The following DNAH12 variants were observed in gnomAD, a reference collection of about 807,000 sequenced individuals.
DNAH12 encodes dynein axonemal heavy chain 12.
Under a neutral mutation model 371.5 loss-of-function variants are expected in DNAH12, and 285 were observed. That is an observed-to-expected ratio of 0.77 (90% CI 0.70 to 0.85). DNAH12 has a LOEUF of 0.85. Among genes scored for constraint, DNAH12 ranks in the 40% least tolerant of loss-of-function variants. The pLI is 0.00. For missense variants in DNAH12, 3,611 were observed against 3,689.4 expected, an observed-to-expected ratio of 0.98 and a Z score of 0.55; for synonymous variants, 1,200 against 1,213.0, an observed-to-expected ratio of 0.99 and a Z score of 0.22.
chr3:57,502,244 A>C (rs1575695127), intron 10 of DNAH12, 79 bp downstream of exon 10: 1 of 1,560,292 alleles, frequency 6.4e-7, no homozygotes, highest in Non-Finnish European at 8.8e-7. Flanking sequence ...TGGCAGCCCC[A>C]GACAAACAAA....
At chr3:57,415,829 C>T (rs1466268388) in intron 37 of DNAH12, among the ~76,000 whole-genome samples, 2 of 149,422 alleles carry the variant, frequency 1.3e-5, no homozygotes, top group Non-Finnish European at 3.0e-5. Context: ...CACTTAGTTC[C>T]CCAGGCTGGA....
chr3:57,324,589 A>T (rs569682261), intron 62 of DNAH12, among the ~76,000 whole-genome samples: 43 of 152,216 alleles, frequency 2.8e-4, no homozygotes, highest in African/African-American at 1.0e-3. Context: ...TGGGGGGAGG[A>T]GCCAAGATGG....
chr3:57,417,968 T>C (rs1391911874), intron 37 of DNAH12, among the ~76,000 whole-genome samples: 1 of 151,992 alleles, frequency 6.6e-6, no homozygotes, highest in Admixed American at 6.6e-5. Context: ...CTGGCCAATA[T>C]GGTGAACCCC....
intron 60 of DNAH12, among the ~76,000 whole-genome samples, chr3:57,336,463 T>C (rs782268292): frequency 6.6e-6 from 1 of 152,114 alleles, no homozygotes; most frequent in Non-Finnish European, 1.5e-5. Context: ...TAATCTGTTA[T>C]AGGAATAGAA....
Position 57,449,831 on chromosome 3 carries a change from G to A in DNAH12, c.3786+3012C>T, listed in dbSNP as rs1006255675. 2.0e-5 allele frequency among the ~76,000 whole-genome samples: 3 copies of A among 152,202 alleles called. No individual in the cohort carries two copies. In the East Asian group the frequency reaches 5.8e-4, roughly 29 times the overall value. On this transcript the variant is annotated intron_variant, in intron 25 of 73. Coordinates refer to ENST00000495027, the MANE Select transcript of DNAH12 (RefSeq NM_001366028.2). ...CGGGCCGAAGGGCTCCTCAAGTGCC[G>A]CCAAAGTGGGAACCCAGGCAGAGGA...
intron 60 of DNAH12, among the ~76,000 whole-genome samples, chr3:57,342,464 CCCT>C: frequency 7.6e-6 from 1 of 131,580 alleles, no homozygotes; most frequent in African/African-American, 2.9e-5. Context: ...CATGGTGAAA[CCCT>C]ATCTCTACTA....
intron 58 of DNAH12, among the ~76,000 whole-genome samples, chr3:57,362,111 G>A (rs927857559): frequency 4.0e-5 from 6 of 151,638 alleles, no homozygotes; most frequent in Admixed American, 1.3e-4. Context: ...AGAACATGCA[G>A]TGTTTGGTTT....
At chr3:57,393,574 C>T (rs1208880840) in intron 44 of DNAH12, among the ~76,000 whole-genome samples, 10 of 124,888 alleles carry the variant, frequency 8.0e-5, no homozygotes, top group Non-Finnish European at 1.4e-4. Context: ...TGCAGTGAGG[C>T]GAGACCACAT....
chr3:57,520,005 G>C (rs1042418314), intron 4 of DNAH12: 4 of 788,856 alleles, frequency 5.1e-6, no homozygotes, highest in Non-Finnish European at 6.5e-6. Context: ...CTTCCACGTC[G>C]GCCATGGTAG....
chr3:57,402,496 G>C (rs1361932497), intron 43 of DNAH12: 2 of 1,191,692 alleles, frequency 1.7e-6, no homozygotes, highest in Non-Finnish European at 2.2e-6. Context: ...TCAGGTTCAT[G>C]GTTAAATCTG....
At chr3:57,486,827 G>GA (rs1479667082) in intron 12 of DNAH12, among the ~76,000 whole-genome samples, 6 of 151,054 alleles carry the variant, frequency 4.0e-5, no homozygotes, top group African/African-American at 1.2e-4. Context: ...CTCTAAAGGA[G>GA]AAAAAAAAGC....
At chr3:57,524,976 A>T (rs1279374422) in intron 2 of DNAH12, among the ~76,000 whole-genome samples, 1 of 152,128 alleles carries the variant, frequency 6.6e-6, no homozygotes, top group Non-Finnish European at 1.5e-5. Context: ...ATTTAGGAAG[A>T]CAAATCTAAT....
intron 2 of DNAH12, chr3:57,530,540 T>G: frequency 1.4e-6 from 1 of 704,822 alleles, no homozygotes; most frequent in Non-Finnish European, 2.6e-6. Flanking sequence ...TCTTCTAAAT[T>G]TTTTTAGATT....
intron 62 of DNAH12, among the ~76,000 whole-genome samples, chr3:57,324,862 C>T (rs1436028838): frequency 2.0e-5 from 3 of 152,184 alleles, no homozygotes; most frequent in African/African-American, 7.2e-5. Flanking sequence ...TGGGTCACTC[C>T]CACCCAATAC....
At chr3:57,484,055 T>C (rs1207690340) in intron 12 of DNAH12, among the ~76,000 whole-genome samples, 3 of 150,160 alleles carry the variant, frequency 2.0e-5, no homozygotes, top group Non-Finnish European at 4.4e-5. Flanking sequence ...AATTATGGCA[T>C]ATTAGAAAAA....
chr3:57,323,011 G>T lies in DNAH12; in HGVS notation c.10379C>A (p.Ser3460Ter). Residue 3460 changes from serine (S) to a stop codon, truncating the protein, a stop_gained, in exon 64 of 74, where the codon TCA (serine) becomes TAA (stop). Transcript: ENST00000495027. LOFTEE classifies it high-confidence loss of function. ...FRLWLTSYPS[S>*]KFPVTILQNG... Reference sequence around the variant, plus strand: ...TCTATAAGGAAATAAACATACTTTTGAAGATGGATAGCTTGTCAGCCAAAG... The same window carrying T: ...TCTATAAGGAAATAAACATACTTTTTAAGATGGATAGCTTGTCAGCCAAAG... The T allele has an allele frequency of 6.4e-7, 1 of 1,551,804 alleles. No homozygotes were observed. Among genetic ancestry groups the T allele is most frequent in the Non-Finnish European group, 8.7e-7 (1 of 1,146,998 alleles).
intron 70 of DNAH12, among the ~76,000 whole-genome samples, chr3:57,297,547 G>T (rs1443123347): frequency 6.6e-6 from 1 of 151,764 alleles, no homozygotes; most frequent in Non-Finnish European, 1.5e-5. Context: ...GTAGAGATGG[G>T]GTTTCAGCAT....
intron 60 of DNAH12, among the ~76,000 whole-genome samples, chr3:57,342,367 G>A (rs1330844777): frequency 1.3e-5 from 2 of 151,542 alleles, no homozygotes; most frequent in African/African-American, 4.8e-5. Flanking sequence ...CTGGCCAGAC[G>A]TGGTGGCTTA....
intron 27 of DNAH12, among the ~76,000 whole-genome samples, chr3:57,445,694 C>A (rs183281254): frequency 0.018 from 2,087 of 116,502 alleles, 57 homozygotes; most frequent in African/African-American, 0.05. Context: ...CGAACTTACA[C>A]TCAAAAAATA....
Sources: allele counts gnomAD v4.1 joint callset (sites outside exome capture counted in the v4.1 genomes callset), GRCh38; gene constraint gnomAD v4.1.1; transcripts MANE v1.5; gene names NCBI Gene and HGNC (gene_info 2026-07-23, HGNC 2026-07-21).